Variants in IGF1R observed in about 807,000 individuals in gnomAD.
IGF1R encodes the protein insulin like growth factor 1 receptor.
Under a neutral mutation model 144.6 loss-of-function variants are expected in IGF1R, and 44 were observed. The observed-to-expected ratio is 0.30, with a 90% CI of 0.24 to 0.39. IGF1R has a LOEUF of 0.39. Ranked by LOEUF, IGF1R falls within the 10% of genes least tolerant of loss-of-function variation. The pLI is 1.00. For synonymous variants in IGF1R, 795 were observed against 722.8 expected (o/e 1.10, Z -1.60); for missense variants, 1,355 against 1,833.7 (o/e 0.74, Z 4.77).
intron 1 of IGF1R, among the ~76,000 whole-genome samples, chr15:98,675,989 C>G (rs1327869589): frequency 2.0e-5 from 3 of 151,932 alleles, no homozygotes; most frequent in African/African-American, 7.3e-5. Context: ...CCACGCCTGG[C>G]TATTTTTTTA....
At chr15:98,841,078 A>AGT (rs369143918) in intron 2 of IGF1R, among the ~76,000 whole-genome samples, 79 of 152,158 alleles carry the variant, frequency 5.2e-4, no homozygotes, top group African/African-American at 1.9e-3. Flanking sequence ...TTTTTTTGAA[A>AGT]GTGTGTGTGT....
intron 2 of IGF1R, among the ~76,000 whole-genome samples, chr15:98,793,195 T>A (rs914038367): frequency 1.3e-5 from 2 of 152,244 alleles, no homozygotes; most frequent in African/African-American, 4.8e-5. Flanking sequence ...GAATAAATGT[T>A]TATTCAACAG....
chr15:98,781,350 G>A (rs931444317), intron 2 of IGF1R, among the ~76,000 whole-genome samples: 4 of 152,186 alleles, frequency 2.6e-5, no homozygotes, highest in Non-Finnish European at 4.4e-5. Flanking sequence ...GTTTTAGGGT[G>A]TAGAAGGGAC....
intron 2 of IGF1R, among the ~76,000 whole-genome samples, chr15:98,830,257 T>G (rs1431328490): frequency 6.6e-6 from 1 of 152,236 alleles, no homozygotes; most frequent in Non-Finnish European, 1.5e-5. Context: ...CTCATCTCCT[T>G]TATGGCTTTA....
In IGF1R at chr15:98,717,955, A is replaced by ACACGTG. The variant is rs878982241; in HGVS notation, c.640+9855_640+9860dup. Among the ~76,000 whole-genome samples the ACACGTG allele has an allele frequency of 6.6e-5, 10 of 152,270 alleles. No homozygotes were observed. The South Asian group carries it at 2.1e-3, about 32-fold the overall frequency. On this transcript the variant is annotated intron_variant, in intron 2 of 20. Coordinates refer to ENST00000650285, the MANE Select transcript of IGF1R (RefSeq NM_000875.5). ...TTGGTAACGCTAGGTATATGTGTGCACACGTGCACGTGTGCGTGTGTGTTT... is the reference window on the plus strand; with the variant it reads ...TTGGTAACGCTAGGTATATGTGTGCACACGTGCACGTGCACGTGTGCGTGTGTGTTT...
intron 20 of IGF1R, among the ~76,000 whole-genome samples, chr15:98,951,872 TG>T (rs2151730663): frequency 6.6e-6 from 1 of 152,344 alleles, no homozygotes; most frequent in Non-Finnish European, 1.5e-5. Flanking sequence ...ACTCTGCCAC[TG>T]TGGAGCAAAC....
At chr15:98,906,071 T>G (rs1455460416) in intron 5 of IGF1R, among the ~76,000 whole-genome samples, 1 of 152,262 alleles carries the variant, frequency 6.6e-6, no homozygotes, top group Non-Finnish European at 1.5e-5. Context: ...CTTCAATGAT[T>G]GTAAAAAATG....
At chr15:98,830,665 G>A (rs898711699) in intron 2 of IGF1R, among the ~76,000 whole-genome samples, 1 of 146,746 alleles carries the variant, frequency 6.8e-6, no homozygotes, top group Non-Finnish European at 1.5e-5. Flanking sequence ...GTACAGTGGC[G>A]CCATCTTGGC....
rs1370776825 is a variant in IGF1R, at chr15:98,649,195, C to G, written c.-387C>G. ...CGGCCGCCTCCCGCGCGGCCAGGGC[C>G]GGGCTTGTTTTTCCTCGCCTAGGCA... is the stretch of plus-strand genomic sequence containing the variant. On this transcript the variant is annotated 5_prime_UTR_variant, in exon 1 of 21. Transcript: ENST00000650285. 4.6e-6 allele frequency: 1 copy of G among 219,394 alleles called. No individual in the cohort carries two copies. Among genetic ancestry groups the G allele is most frequent in the Non-Finnish European group, 9.1e-6 (1 of 109,388 alleles). 13.6% of individuals were successfully genotyped at this position (219,394 alleles called of 1,614,324 possible).
Position 98,751,268 on chromosome 15 carries a change from G to A in IGF1R, c.640+43161G>A, listed in dbSNP as rs548154537. 7.4e-4 allele frequency among the ~76,000 whole-genome samples: 112 copies of A among 152,250 alleles called. 1 individual carries two copies. The highest frequency in any genetic ancestry group is 2.5e-3 in the African/African-American group (105 of 41,532). On this transcript the variant is annotated intron_variant, in intron 2 of 20. Coordinates refer to ENST00000650285, the MANE Select transcript of IGF1R (RefSeq NM_000875.5). ...CAGGCTGGGGTGCAGTGGTACCATC[G>A]TAACTCACTGAAGCCTTGAGCTCCT...
At chr15:98,788,060 CTCTGTGTG>C (rs1419117794) in intron 2 of IGF1R, among the ~76,000 whole-genome samples, 1 of 130,630 alleles carries the variant, frequency 7.7e-6, no homozygotes, top group Non-Finnish European at 1.6e-5. Flanking sequence ...CTCTCTCTCT[CTCTGTGTG>C]TGTGTGTGTG....
chr15:98,953,724 G>A (rs1186600497), intron 20 of IGF1R, among the ~76,000 whole-genome samples: 1 of 152,188 alleles, frequency 6.6e-6, no homozygotes, highest in South Asian at 2.1e-4. Flanking sequence ...GAGGGAATCT[G>A]AACTTTAGCC....
intron 20 of IGF1R, among the ~76,000 whole-genome samples, chr15:98,949,378 A>AC (rs2016684092): frequency 8.9e-6 from 1 of 112,078 alleles, no homozygotes; most frequent in Non-Finnish European, 1.8e-5. Context: ...TTCTCACTGC[A>AC]CTTTTTTTTT....
At chr15:98,738,813 C>T (rs73475619) in intron 2 of IGF1R, among the ~76,000 whole-genome samples, 2,073 of 152,282 alleles carry the variant, frequency 0.014, 49 homozygotes, top group African/African-American at 0.047. Flanking sequence ...GGATTCTTCC[C>T]GCAGCCATGA....
intron 2 of IGF1R, among the ~76,000 whole-genome samples, chr15:98,884,812 C>T (rs1038455549): frequency 6.6e-6 from 1 of 151,998 alleles, no homozygotes; most frequent in African/African-American, 2.4e-5. Context: ...CTAGAATGCA[C>T]ATCTGATCAT....
At chr15:98,912,184 TTC>T (rs2015054935) in intron 7 of IGF1R, among the ~76,000 whole-genome samples, 1 of 152,216 alleles carries the variant, frequency 6.6e-6, no homozygotes, top group Non-Finnish European at 1.5e-5. Flanking sequence ...AATCCCATAG[TTC>T]TCTCTCCCAG....
rs776248654 is a variant in IGF1R at position 98,924,013 on chromosome 15, G to A, written c.2622+1G>A. ...AATAAAATACGGATCACAAGTTGAG[G>A]TAGGACTGGGGCAGTGGCCCGTGCC... On this transcript the variant is annotated splice_donor_variant, in intron 12 of 20. Coordinates refer to ENST00000650285, the MANE Select transcript of IGF1R (RefSeq NM_000875.5). LOFTEE classifies it high-confidence loss of function. 6.2e-7 allele frequency: 1 copy of A among 1,613,968 alleles called. No individual in the cohort carries two copies. The highest frequency in any genetic ancestry group is 2.2e-5 in the East Asian group (1 of 44,888).
At chr15:98,806,020 C>T (rs377570576) in intron 2 of IGF1R, among the ~76,000 whole-genome samples, 20 of 152,264 alleles carry the variant, frequency 1.3e-4, no homozygotes, top group African/African-American at 4.6e-4. Flanking sequence ...GTCTGACTTG[C>T]CTGAAAGGTT....
In IGF1R at chr15:98,962,389, G is replaced by A. The variant is rs1326396317; in HGVS notation, c.*4947G>A. 1 of 233,508 alleles carries A rather than the reference G, an allele frequency of 4.3e-6. No homozygotes were observed. The highest frequency in any genetic ancestry group is 6.0e-5 in the East Asian group (1 of 16,612). 14.5% of individuals were successfully genotyped at this position (233,508 alleles called of 1,614,324 possible). On this transcript the variant is annotated 3_prime_UTR_variant, in exon 21 of 21. Coordinates refer to ENST00000650285, the MANE Select transcript of IGF1R (RefSeq NM_000875.5). Reference sequence around the variant, plus strand: ...TGGGCTAAGCAGCATTGGGAGATGTGGACCAGAGATCCACTCCTTAAGAAC... The same window carrying A: ...TGGGCTAAGCAGCATTGGGAGATGTAGACCAGAGATCCACTCCTTAAGAAC...
Sources: allele counts gnomAD v4.1 joint callset (sites outside exome capture counted in the v4.1 genomes callset), GRCh38; gene constraint gnomAD v4.1.1; transcripts MANE v1.5; gene names NCBI Gene and HGNC (gene_info 2026-07-23, HGNC 2026-07-21).